The following ZBTB16 variants were observed in gnomAD, a reference collection of about 807,000 sequenced individuals.
The protein encoded by ZBTB16 is zinc finger and BTB domain containing 16.
ZBTB16 carries 8 observed loss-of-function variants against 56.8 expected under a neutral mutation model. The ratio of observed to expected loss-of-function variants is 0.14; its 90% CI spans 0.08 to 0.25. The LOEUF is 0.25. Ranked by LOEUF, ZBTB16 falls within the 10% of genes least tolerant of loss-of-function variation. The probability of loss-of-function intolerance (pLI) is 1.00; values close to 1 mark genes in which losing one functional copy is unlikely to be tolerated. For missense variants in ZBTB16, 625 were observed against 903.0 expected (o/e 0.69, Z 3.95); for synonymous variants, 363 against 368.5 (o/e 0.98, Z 0.17).
intron 2 of ZBTB16, among the ~76,000 whole-genome samples, chr11:114,147,117 G>A (rs1242153570): frequency 1.3e-5 from 2 of 152,300 alleles, no homozygotes; most frequent in East Asian, 1.9e-4. Context: ...AATTTTCAGT[G>A]TACCAAAGCA....
At chr11:114,180,599 GT>G (rs1943225582) in intron 3 of ZBTB16, among the ~76,000 whole-genome samples, 1 of 152,208 alleles carries the variant, frequency 6.6e-6, no homozygotes. Flanking sequence ...ATGTCCTTGA[GT>G]TTTAAATAGG....
At chr11:114,163,924 A>G (rs1179306400) in intron 3 of ZBTB16, among the ~76,000 whole-genome samples, 1 of 152,196 alleles carries the variant, frequency 6.6e-6, no homozygotes, top group African/African-American at 2.4e-5. Context: ...CAGGCTCGAC[A>G]GATTTTGCTT....
At chr11:114,184,803 T>C (rs144899425) in intron 3 of ZBTB16, among the ~76,000 whole-genome samples, 1,871 of 152,292 alleles carry the variant, frequency 0.012, 18 homozygotes, top group Middle Eastern at 0.017. Flanking sequence ...CACTGTGGGC[T>C]ACAAATTTGT....
Position 114,250,663 on chromosome 11 carries a change from G to C in ZBTB16, c.*108G>C. ...AAAAAGGAAAAGAAAAAAAAAAACAGAAGGAAAAGGAAACCTGGTAGCTTT... is the reference window on the plus strand; with the variant it reads ...AAAAAGGAAAAGAAAAAAAAAAACACAAGGAAAAGGAAACCTGGTAGCTTT... On this transcript the variant is annotated 3_prime_UTR_variant, in exon 7 of 7. Coordinates refer to ENST00000335953, the MANE Select transcript of ZBTB16 (RefSeq NM_006006.6). This position sits in a 1 kb window ranked among gnomAD's most constrained non-coding sequence, Gnocchi z 6.0. 6 of 1,249,250 alleles carry C rather than the reference G, an allele frequency of 4.8e-6. No homozygotes were observed. In the South Asian group the frequency reaches 6.9e-5, roughly 14 times the overall value. The allele number at this position is 1,249,250 out of a possible 1,614,324, so 77.4% of individuals were successfully genotyped here.
chr11:114,082,736 T>C (rs1328762871), intron 2 of ZBTB16, among the ~76,000 whole-genome samples: 1 of 152,004 alleles, frequency 6.6e-6, no homozygotes, highest in African/African-American at 2.4e-5. Context: ...CACCTCTCGG[T>C]GGGCGGGGAA....
intron 3 of ZBTB16, among the ~76,000 whole-genome samples, chr11:114,170,586 C>T (rs760337987): frequency 2.0e-5 from 3 of 151,910 alleles, no homozygotes; most frequent in Admixed American, 6.6e-5. Flanking sequence ...AAACCAGTCC[C>T]GTTTTGATTG....
At chr11:114,125,188 A>G (rs1334557187) in intron 2 of ZBTB16, among the ~76,000 whole-genome samples, 1 of 152,210 alleles carries the variant, frequency 6.6e-6, no homozygotes, top group East Asian at 1.9e-4. Flanking sequence ...AATTAACAGT[A>G]TTCCTTATTT....
chr11:114,102,114 G>A (rs1940629466), intron 2 of ZBTB16, among the ~76,000 whole-genome samples: 2 of 152,122 alleles, frequency 1.3e-5, no homozygotes, highest in South Asian at 2.1e-4. Flanking sequence ...TGGTTGGGAC[G>A]TCCTCATTCC....
chr11:114,139,626 C>CGTGTGT (rs750514241), intron 2 of ZBTB16, among the ~76,000 whole-genome samples: 14,548 of 138,480 alleles, frequency 0.11, 831 homozygotes, highest in Middle Eastern at 0.13. Flanking sequence ...CCGCGGTCCA[C>CGTGTGT]GTGTGTGTGT....
intron 2 of ZBTB16, among the ~76,000 whole-genome samples, chr11:114,096,002 A>G (rs544545802): frequency 6.6e-6 from 1 of 152,350 alleles, no homozygotes; most frequent in East Asian, 1.9e-4. Flanking sequence ...AATTGGATTT[A>G]GAGAAGATAA....
chr11:114,128,948 A>G (rs1168098338), intron 2 of ZBTB16, among the ~76,000 whole-genome samples: 1 of 152,202 alleles, frequency 6.6e-6, no homozygotes, highest in African/African-American at 2.4e-5. Flanking sequence ...TGGAGCAAGA[A>G]GGAAAGGGAC....
At chr11:114,165,276 G>A (rs1358791612) in intron 3 of ZBTB16, among the ~76,000 whole-genome samples, 1 of 152,234 alleles carries the variant, frequency 6.6e-6, no homozygotes, top group Admixed American at 6.5e-5. Context: ...AGGGGCCAGA[G>A]TGGGGCTTCT....
At chr11:114,073,164 G>T (rs1186477448) in intron 2 of ZBTB16, among the ~76,000 whole-genome samples, 3 of 151,952 alleles carry the variant, frequency 2.0e-5, no homozygotes, top group Non-Finnish European at 4.4e-5. Context: ...ACCAGCTCTG[G>T]CCTCCTCAGT....
Position 114,256,625 on chromosome 11 carries a change from G to C in ZBTB16, c.*6070G>C, listed in dbSNP as rs1348539192. On this transcript the variant is annotated 3_prime_UTR_variant, in exon 7 of 7. Coordinates refer to ENST00000335953, the MANE Select transcript of ZBTB16 (RefSeq NM_006006.6). The stretch of plus-strand genomic sequence containing the variant: ...ACAAGAAGCTTCCACACAATCAAAG[G>C]TCCCTGCCTGCGTCTGTAGCAGCCA... 6.6e-6 allele frequency among the ~76,000 whole-genome samples: 1 copy of C among 152,156 alleles called. No individual in the cohort carries two copies. The highest frequency in any genetic ancestry group is 2.4e-5 in the African/African-American group (1 of 41,414).
At chr11:114,164,017 G>A (rs954718284) in intron 3 of ZBTB16, among the ~76,000 whole-genome samples, 3 of 152,152 alleles carry the variant, frequency 2.0e-5, no homozygotes, top group African/African-American at 4.8e-5. Context: ...TTTGTATTCT[G>A]TTCAGCGCTG....
At chr11:114,144,924 A>G (rs1394031215) in intron 2 of ZBTB16, among the ~76,000 whole-genome samples, 1 of 152,208 alleles carries the variant, frequency 6.6e-6, no homozygotes, top group African/African-American at 2.4e-5. Flanking sequence ...GGTTGAAATC[A>G]CATATGTGAA....
intron 3 of ZBTB16, among the ~76,000 whole-genome samples, chr11:114,158,851 T>G (rs1323796427): frequency 6.6e-6 from 1 of 152,196 alleles, no homozygotes; most frequent in Non-Finnish European, 1.5e-5. Context: ...AAGAAGTATT[T>G]GTTGAGTGAA....
Position 114,252,098 on chromosome 11 carries a change from G to A in ZBTB16, c.*1543G>A, listed in dbSNP as rs995788412. Among the ~76,000 whole-genome samples the A allele has an allele frequency of 5.3e-5, 8 of 152,154 alleles. No homozygotes were observed. Among genetic ancestry groups the A allele is most frequent in the African/African-American group, 1.4e-4 (6 of 41,434 alleles). ...TACTCAGGATCTGAATGTGAGGGCC[G>A]AGGAGGGCGAAGAGCGTGGGTGGGG... On this transcript the variant is annotated 3_prime_UTR_variant, in exon 7 of 7. Coordinates refer to ENST00000335953, the MANE Select transcript of ZBTB16 (RefSeq NM_006006.6).
intron 4 of ZBTB16, chr11:114,188,272 T>C (rs530987736): frequency 6.6e-6 from 1 of 152,428 alleles, no homozygotes; most frequent in African/African-American, 2.4e-5. Context: ...GCTACTCTTA[T>C]GTCATAGATG....
Sources: allele counts gnomAD v4.1 joint callset (sites outside exome capture counted in the v4.1 genomes callset), GRCh38; gene constraint gnomAD v4.1.1; non-coding constraint Gnocchi (gnomAD v3.1); transcripts MANE v1.5; gene names NCBI Gene and HGNC (gene_info 2026-07-23, HGNC 2026-07-21).